IMPG1: variants seen among roughly 807,000 people sequenced by gnomAD.
IMPG1 encodes interphotoreceptor matrix proteoglycan 1, also known as interphotoreceptor matrix proteoglycan of 150 kDa.
A neutral mutation model predicts 92.0 loss-of-function variants in IMPG1; 85 were observed. That is an observed-to-expected ratio of 0.92 (90% CI 0.78 to 1.11). The LOEUF is 1.11. Among genes scored for constraint, IMPG1 ranks in the 50% least tolerant of loss-of-function variants. The pLI, the probability that IMPG1 is intolerant of heterozygous loss-of-function variation, is 0.00. For missense variants in IMPG1, 1,022 were observed against 956.0 expected, an observed-to-expected ratio of 1.07 and a Z score of -0.91; for synonymous variants, 367 against 334.1, an observed-to-expected ratio of 1.10 and a Z score of -1.08.
intron 7 of IMPG1, among the ~76,000 whole-genome samples, chr6:76,014,092 A>G (rs1399078236): frequency 6.6e-6 from 1 of 152,208 alleles, no homozygotes; most frequent in Non-Finnish European, 1.5e-5. Flanking sequence ...TCCTGAGTTT[A>G]TTGCTTAATC....
chr6:75,992,797 CTTA>C (rs1196021406), intron 12 of IMPG1, among the ~76,000 whole-genome samples: 1 of 152,154 alleles, frequency 6.6e-6, no homozygotes, highest in Non-Finnish European at 1.5e-5. Flanking sequence ...GCTTATGAAA[CTTA>C]TTATACTTGG....
At chr6:75,989,551 T>A (rs186760871) in intron 12 of IMPG1, among the ~76,000 whole-genome samples, 69 of 152,312 alleles carry the variant, frequency 4.5e-4, no homozygotes, top group African/African-American at 1.6e-3. Context: ...TCTAAGCATA[T>A]GCACATCTTG....
intron 7 of IMPG1, 137 bp from the exon 8 acceptor site, chr6:76,011,361 A>T: frequency 1.9e-6 from 1 of 530,128 alleles, no homozygotes; most frequent in Non-Finnish European, 3.4e-6. Context: ...CTTTTAAAAA[A>T]ACTCTCCAAA....
chr6:75,929,874 TCA>T (rs1312598281), intron 15 of IMPG1, among the ~76,000 whole-genome samples: 4 of 152,190 alleles, frequency 2.6e-5, no homozygotes, highest in African/African-American at 9.6e-5. Flanking sequence ...TATCTGGTTG[TCA>T]CACACAGGAC....
intron 12 of IMPG1, among the ~76,000 whole-genome samples, chr6:75,993,755 T>G (rs1482724793): frequency 6.6e-6 from 1 of 152,222 alleles, no homozygotes; most frequent in Non-Finnish European, 1.5e-5. Context: ...GATTTAAGAT[T>G]TTTGTTAAAA....
rs370162508 is a variant in IMPG1 at position 76,005,508 on chromosome 6, G to C, written c.914C>G (p.Thr305Arg). 6 of 1,613,714 alleles carry C rather than the reference G, an allele frequency of 3.7e-6. No homozygotes were observed. Among genetic ancestry groups the C allele is most frequent in the Non-Finnish European group, 5.1e-6 (6 of 1,179,878 alleles). Residue 305 changes from threonine to arginine, a missense_variant, in exon 10 of 17, where the codon ACG (threonine) becomes AGG (arginine). Transcript: ENST00000369950. ...TGCACTGTGTCTCTTAAAGATGGCCGTAAGTTGCATCTCTGTGGAGCTTGA... is the reference window on the plus strand; with the variant it reads ...TGCACTGTGTCTCTTAAAGATGGCCCTAAGTTGCATCTCTGTGGAGCTTGA... ...DGSSSTEMQL[T>R]AIFKRHSAEA...
intron 9 of IMPG1, among the ~76,000 whole-genome samples, chr6:76,006,252 TAGC>T (rs1783095330): frequency 6.6e-6 from 1 of 151,398 alleles, no homozygotes. Context: ...CTTCTACAAA[TAGC>T]CTCCTTTAGG....
chr6:76,024,987 A>G (rs1004661809), intron 5 of IMPG1: 9 of 611,638 alleles, frequency 1.5e-5, no homozygotes, highest in Non-Finnish European at 2.1e-5. Context: ...AAGATATTGA[A>G]TGGTTTGGTT....
chr6:75,928,316 C>T (rs1781596461), intron 15 of IMPG1, among the ~76,000 whole-genome samples: 1 of 152,118 alleles, frequency 6.6e-6, no homozygotes. Context: ...TCTCCTGCCT[C>T]AGCCTCCAGA....
intron 14 of IMPG1, among the ~76,000 whole-genome samples, chr6:75,935,445 A>G (rs1781729240): frequency 6.6e-6 from 1 of 152,212 alleles, no homozygotes; most frequent in African/African-American, 2.4e-5. Flanking sequence ...ACGCCTGAAC[A>G]AAGTGACAGA....
In IMPG1 at chr6:76,025,651, C is replaced by T. The variant is rs548369019; in HGVS notation, c.498-393G>A. Among the ~76,000 whole-genome samples, 100 of 152,266 alleles carry T rather than the reference C, an allele frequency of 6.6e-4. 1 individual carries two copies. Among genetic ancestry groups the T allele is most frequent in the Non-Finnish European group, 1.1e-3 (72 of 68,024 alleles). On this transcript the variant is annotated intron_variant, in intron 4 of 16. Coordinates refer to ENST00000369950, the MANE Select transcript of IMPG1 (RefSeq NM_001563.4). ...AATATTCTTGCTAAAATCTCAGACC[C>T]TCAAGCCTGCATATCCAGAGTCATT...
chr6:76,017,815 C>T (rs1349791263), intron 7 of IMPG1, among the ~76,000 whole-genome samples: 41 of 152,268 alleles, frequency 2.7e-4, no homozygotes, highest in Admixed American at 2.6e-3. Context: ...TGAAGTGGCA[C>T]GATCTTGGCT....
Position 75,997,723 on chromosome 6 carries a change from T to C in IMPG1, c.1291+5195A>G, listed in dbSNP as rs141064943. On this transcript the variant is annotated intron_variant, in intron 12 of 16. Transcript: ENST00000369950. ...GGTCGACAGCAGTGACAAATAGTTA[T>C]GAAACTGCAATTATATGCCAGCCAC... 1.2e-4 allele frequency among the ~76,000 whole-genome samples: 19 copies of C among 152,208 alleles called. 1 individual carries two copies. In the East Asian group the frequency reaches 3.1e-3, roughly 25 times the overall value.
chr6:75,996,463 G>A (rs1003649232), intron 12 of IMPG1, among the ~76,000 whole-genome samples: 11 of 152,264 alleles, frequency 7.2e-5, no homozygotes, highest in African/African-American at 2.6e-4. Context: ...CGCATAAGAG[G>A]CAGGATTTAT....
chr6:75,996,185 G>A (rs1221141044), intron 12 of IMPG1, among the ~76,000 whole-genome samples: 2 of 152,126 alleles, frequency 1.3e-5, no homozygotes. Context: ...GGACCCCTGG[G>A]GAAATCAACG....
chr6:76,054,919 A>G (rs1383138989), intron 1 of IMPG1, among the ~76,000 whole-genome samples: 1 of 152,150 alleles, frequency 6.6e-6, no homozygotes, highest in Non-Finnish European at 1.5e-5. Context: ...TTAATAATAT[A>G]TAAATATATA....
chr6:75,961,726 G>A (rs1782214897), intron 12 of IMPG1, among the ~76,000 whole-genome samples: 1 of 152,200 alleles, frequency 6.6e-6, no homozygotes, highest in South Asian at 2.1e-4. Context: ...ATGCAAGTGA[G>A]AAGGCCAAAA....
chr6:76,038,426 C>T (rs1192320707), intron 2 of IMPG1, among the ~76,000 whole-genome samples: 3 of 151,940 alleles, frequency 2.0e-5, no homozygotes, highest in African/African-American at 7.3e-5. Context: ...TTTTGTGGCT[C>T]CTCTGATGTT....
intron 12 of IMPG1, among the ~76,000 whole-genome samples, chr6:75,962,463 A>G (rs1426251278): frequency 1.3e-5 from 2 of 152,172 alleles, no homozygotes; most frequent in Admixed American, 6.5e-5. Flanking sequence ...ATTGACAAAT[A>G]AAAGGTGTGT....
Sources: allele counts gnomAD v4.1 joint callset (sites outside exome capture counted in the v4.1 genomes callset), GRCh38; gene constraint gnomAD v4.1.1; transcripts MANE v1.5; gene names NCBI Gene and HGNC (gene_info 2026-07-23, HGNC 2026-07-21).